SLC71A1: variants seen among roughly 807,000 people sequenced by gnomAD.
SLC71A1 encodes solute carrier family 71 member 1.
chr1:100,048,077 A>G, the SLC71A1 span, among the ~76,000 whole-genome samples: 1 of 152,200 alleles, frequency 6.6e-6, no homozygotes, highest in African/African-American at 2.4e-5. Context: ...TAAAAAAATT[A>G]GCATGCTTTA....
At chr1:100,066,533 T>C in the SLC71A1 span, among the ~76,000 whole-genome samples, 1 of 152,128 alleles carries the variant, frequency 6.6e-6, no homozygotes, top group Non-Finnish European at 1.5e-5. Context: ...CATCAGCTAT[T>C]GTTAGTGTAT....
chr1:100,082,022 C>T, the SLC71A1 span: 1 of 1,612,970 alleles, frequency 6.2e-7, no homozygotes, highest in Non-Finnish European at 8.5e-7. Flanking sequence ...ATCCCTGGCC[C>T]TCCCTTCCTA....
At chr1:100,071,289 CAAAA>C in the SLC71A1 span, among the ~76,000 whole-genome samples, 20 of 53,384 alleles carry the variant, frequency 3.7e-4, no homozygotes, top group South Asian at 5.5e-3. Context: ...CCATCTCTAC[CAAAA>C]AAAAAAAAAA....
the SLC71A1 span, among the ~76,000 whole-genome samples, chr1:100,073,651 C>G: frequency 3.9e-5 from 6 of 152,344 alleles, no homozygotes; most frequent in South Asian, 1.2e-3. Context: ...TGCATCTTTC[C>G]TCCATGAGAA....
At chr1:100,059,214 G>T in the SLC71A1 span, among the ~76,000 whole-genome samples, 1 of 140,094 alleles carries the variant, frequency 7.1e-6, no homozygotes, top group Non-Finnish European at 1.5e-5. Flanking sequence ...AGTGCAAGTG[G>T]CATGATCTCA....
At chr1:100,042,376 A>AT in the SLC71A1 span, among the ~76,000 whole-genome samples, 8 of 150,402 alleles carry the variant, frequency 5.3e-5, no homozygotes, top group Admixed American at 2.0e-4. Context: ...AGAGCACCAG[A>AT]TTTTTTTTTT....
chr1:100,066,817 A>G, the SLC71A1 span, among the ~76,000 whole-genome samples: 10 of 151,906 alleles, frequency 6.6e-5, no homozygotes, highest in South Asian at 4.2e-4. Context: ...GTGAAACCCC[A>G]TCTCTACTAA....
the SLC71A1 span, among the ~76,000 whole-genome samples, chr1:100,060,475 G>A: frequency 3.9e-5 from 6 of 152,150 alleles, no homozygotes; most frequent in Admixed American, 3.9e-4. Context: ...AGCTGGTATG[G>A]CAGTTCCAGT....
the SLC71A1 span, among the ~76,000 whole-genome samples, chr1:100,049,193 C>T: frequency 1.3e-5 from 2 of 152,278 alleles, no homozygotes; most frequent in East Asian, 3.9e-4. Flanking sequence ...GCGGTATAAA[C>T]TTAATTTTGT....
At chr1:100,068,393 G>C in the SLC71A1 span, 62 of 1,032,810 alleles carry the variant, frequency 6.0e-5, no homozygotes, top group African/African-American at 6.4e-5. Context: ...ACTGCCAAAA[G>C]GAATCTCTGC....
At chr1:100,046,244 T>TTTTA in the SLC71A1 span, among the ~76,000 whole-genome samples, 1 of 123,434 alleles carries the variant, frequency 8.1e-6, no homozygotes, top group Admixed American at 8.1e-5. Flanking sequence ...TTTTTTTTTT[T>TTTTA]GAGACAGAGT....
At chr1:100,071,934 G>C in the SLC71A1 span, among the ~76,000 whole-genome samples, 1 of 152,218 alleles carries the variant, frequency 6.6e-6, no homozygotes, top group African/African-American at 2.4e-5. Flanking sequence ...CAGTGCAGCA[G>C]CAGAGCCCTG....
chr1:100,060,857 G>A, the SLC71A1 span, among the ~76,000 whole-genome samples: 2 of 151,956 alleles, frequency 1.3e-5, no homozygotes, highest in East Asian at 3.9e-4. Context: ...GATTTATTCT[G>A]ACTAATGTTC....
chr1:100,068,321 T>A, the SLC71A1 span: 740 of 955,624 alleles, frequency 7.7e-4, 5 homozygotes, highest in African/African-American at 0.01. Context: ...TTTGAAATAC[T>A]TTTCAGAATA....
At chr1:100,052,463 C>G in the SLC71A1 span, among the ~76,000 whole-genome samples, 1 of 127,038 alleles carries the variant, frequency 7.9e-6, no homozygotes, top group Non-Finnish European at 1.6e-5. Context: ...GAGTCTCGCT[C>G]TGTCTGTCCC....
chr1:100,050,574 A>G, the SLC71A1 span, among the ~76,000 whole-genome samples: 1 of 152,196 alleles, frequency 6.6e-6, no homozygotes, highest in African/African-American at 2.4e-5. Context: ...TATGGTAAAT[A>G]TCTATACCAT....
chr1:100,050,196 G>A, the SLC71A1 span, among the ~76,000 whole-genome samples: 5 of 152,116 alleles, frequency 3.3e-5, no homozygotes, highest in South Asian at 8.3e-4. Flanking sequence ...GGGGGGTGGC[G>A]TGGAGGTGTT....
At chr1:100,046,212 G>GTTTTTTTTTTTTTTTTT in the SLC71A1 span, among the ~76,000 whole-genome samples, 2 of 54,120 alleles carry the variant, frequency 3.7e-5, no homozygotes, top group African/African-American at 5.9e-5. Flanking sequence ...TCCAAGCCTC[G>GTTTTTTTTTTTTTTTTT]TTTTTTTTTT....
the SLC71A1 span, among the ~76,000 whole-genome samples, chr1:100,074,304 G>A: frequency 1.3e-5 from 2 of 152,182 alleles, no homozygotes; most frequent in African/African-American, 4.8e-5. Context: ...GCCGGGCACG[G>A]TGGCCCACAC....
Sources: allele counts gnomAD v4.1 joint callset (sites outside exome capture counted in the v4.1 genomes callset), GRCh38; gene constraint gnomAD v4.1.1; transcripts MANE v1.5; gene names NCBI Gene and HGNC (gene_info 2026-07-23, HGNC 2026-07-21).